PRKN: variants seen among roughly 807,000 people sequenced by gnomAD.
The protein encoded by PRKN is E3 ubiquitin-protein ligase parkin.
PRKN carries 56 observed loss-of-function variants against 59.5 expected under a neutral mutation model. The observed-to-expected ratio is 0.94, with a 90% CI of 0.76 to 1.18. The LOEUF is 1.18. Ranked by LOEUF, PRKN falls within the 50% of genes most tolerant of loss-of-function variation. PRKN has a pLI of 0.00. For missense variants in PRKN, 657 were observed against 596.4 expected, an observed-to-expected ratio of 1.10 and a Z score of -1.06; for synonymous variants, 250 against 222.1, an observed-to-expected ratio of 1.13 and a Z score of -1.12.
chr6:162,726,751 A>G (rs1779222399), intron 1 of PRKN, among the ~76,000 whole-genome samples: 1 of 152,238 alleles, frequency 6.6e-6, no homozygotes, highest in African/African-American at 2.4e-5. Context: ...CCTCCTCAGG[A>G]ATAAACAAGC....
intron 1 of PRKN, among the ~76,000 whole-genome samples, chr6:162,457,402 C>T (rs1790930846): frequency 6.6e-6 from 1 of 152,074 alleles, no homozygotes; most frequent in African/African-American, 2.4e-5. Flanking sequence ...GATGCAATTG[C>T]TGTATAATTT....
chr6:161,454,923 T>G lies in PRKN; in HGVS notation c.1084-68046A>C, dbSNP rs1284341131. Among the ~76,000 whole-genome samples, 1 of 152,192 alleles carries G rather than the reference T, an allele frequency of 6.6e-6. No individual in the cohort carries two copies. Among genetic ancestry groups the G allele is most frequent in the African/African-American group, 2.4e-5 (1 of 41,454 alleles). ...TTTTCTTCCCCAGCTATATTTTTCT[T>G]CATAACACTGGTTTCTCTAGACATT... On this transcript the variant is annotated intron_variant, in intron 9 of 11. Coordinates refer to ENST00000366898, the MANE Select transcript of PRKN (RefSeq NM_004562.3). The surrounding 1 kb of genome is among the most constrained non-coding windows in gnomAD (Gnocchi z 4.6).
intron 6 of PRKN, among the ~76,000 whole-genome samples, chr6:161,967,682 A>AAGGTCTATT (rs1461532797): frequency 6.6e-6 from 1 of 152,224 alleles, no homozygotes; most frequent in Non-Finnish European, 1.5e-5. Context: ...CTCCGTCATC[A>AAGGTCTATT]AGGTCTATTA....
chr6:161,805,697 G>A (rs1791289249), intron 6 of PRKN, among the ~76,000 whole-genome samples: 3 of 152,182 alleles, frequency 2.0e-5, no homozygotes, highest in Admixed American at 6.5e-5. Context: ...CAAGGATTCT[G>A]TTTTCTAGAA....
chr6:161,707,150 C>T (rs1315426755), intron 7 of PRKN, among the ~76,000 whole-genome samples: 1 of 151,994 alleles, frequency 6.6e-6, no homozygotes, highest in African/African-American at 2.4e-5. Flanking sequence ...AGCTAATTTC[C>T]AAGGGGATAT....
At chr6:161,786,215 C>T (rs1438408074) in intron 6 of PRKN, among the ~76,000 whole-genome samples, 2 of 152,094 alleles carry the variant, frequency 1.3e-5, no homozygotes, top group African/African-American at 4.8e-5. Flanking sequence ...ACTCAGAATT[C>T]CCAATTAACC....
In PRKN at chr6:161,874,973, T is replaced by TATTATA. The variant is rs61258288; in HGVS notation, c.735-89066_735-89065insTATAAT. Among the ~76,000 whole-genome samples, 824 of 102,692 alleles carry TATTATA rather than the reference T, an allele frequency of 8.0e-3. 71 individuals carry two copies. Among genetic ancestry groups the TATTATA allele is most frequent in the African/African-American group, 0.034 (768 of 22,322 alleles). The allele number at this position is 102,692 out of a possible 152,430, so 67.4% of individuals were successfully genotyped here. A position where few individuals can be genotyped will look rare whatever the true frequency, so the allele number is the denominator to read the frequency against. On this transcript the variant is annotated intron_variant, in intron 6 of 11. Coordinates refer to ENST00000366898, the MANE Select transcript of PRKN (RefSeq NM_004562.3). ...AGGTACTTTATATATAATATATAAT[T>TATTATA]TATTATATTATATACTTTATATATA...
chr6:161,711,203 A>G (rs1229720687), intron 7 of PRKN, among the ~76,000 whole-genome samples: 1 of 152,210 alleles, frequency 6.6e-6, no homozygotes, highest in Non-Finnish European at 1.5e-5. Context: ...GACAAAAGAC[A>G]TTACAGGTCT....
At chr6:162,673,937 G>T (rs2849538) in intron 1 of PRKN, among the ~76,000 whole-genome samples, 8 of 151,966 alleles carry the variant, frequency 5.3e-5, no homozygotes, top group Admixed American at 2.6e-4. Context: ...TAGCACTGTA[G>T]GACTCTGGAG....
intron 6 of PRKN, among the ~76,000 whole-genome samples, chr6:161,972,610 A>C (rs73026551): frequency 0.17 from 25,327 of 152,216 alleles, 2,177 homozygotes; most frequent in South Asian, 0.24. Context: ...ACTTGCTTTC[A>C]TTTTGAGTGC....
intron 1 of PRKN, among the ~76,000 whole-genome samples, chr6:162,490,055 T>C (rs1290688600): frequency 1.3e-5 from 2 of 152,126 alleles, no homozygotes; most frequent in Admixed American, 1.3e-4. Flanking sequence ...GTCCTTACCA[T>C]AGTGACAGTG....
chr6:162,440,414 C>T (rs1435591703), intron 2 of PRKN, among the ~76,000 whole-genome samples: 1 of 152,118 alleles, frequency 6.6e-6, no homozygotes, highest in Non-Finnish European at 1.5e-5. Context: ...TGAGGTGAGG[C>T]ACTAAAACTA....
chr6:162,592,117 G>A (rs1781334422), intron 1 of PRKN, among the ~76,000 whole-genome samples: 1 of 152,102 alleles, frequency 6.6e-6, no homozygotes, highest in East Asian at 1.9e-4. Flanking sequence ...CTCCTGCCTT[G>A]GCCTCCCGAA....
Position 162,021,119 on chromosome 6 carries a change from CATATATATATATATATATATATATATAT to C in PRKN, c.618+32944_618+32971del, listed in dbSNP as rs869269519. ...CTCTGTCTCAAAAAAAAAACAAAAA[CATATATATATATATATATATATATATAT>C]ATATATATATATATATATAAAATAT... On this transcript the variant is annotated intron_variant, in intron 5 of 11. Transcript: ENST00000366898. Among the ~76,000 whole-genome samples the C allele has an allele frequency of 4.5e-4, 21 of 46,570 alleles. 1 individual carries two copies. Among genetic ancestry groups the C allele is most frequent in the South Asian group, 1.8e-3 (2 of 1,106 alleles). 30.6% of individuals were successfully genotyped at this position (46,570 alleles called of 152,430 possible).
chr6:161,641,738 C>G (rs758317572), intron 7 of PRKN, among the ~76,000 whole-genome samples: 16 of 152,206 alleles, frequency 1.1e-4, no homozygotes, highest in Non-Finnish European at 2.1e-4. Flanking sequence ...GCATCATATT[C>G]AGAATACTTT....
chr6:162,353,257 T>G (rs1275873905), intron 2 of PRKN, among the ~76,000 whole-genome samples: 2 of 151,986 alleles, frequency 1.3e-5, no homozygotes. Context: ...CTAAGCTACC[T>G]AGGGTAAGAG....
chr6:162,497,603 A>G (rs1263384402), intron 1 of PRKN, among the ~76,000 whole-genome samples: 1 of 152,230 alleles, frequency 6.6e-6, no homozygotes, highest in East Asian at 1.9e-4. Context: ...CATTTTGTGC[A>G]GCAGAGGGAG....
intron 1 of PRKN, among the ~76,000 whole-genome samples, chr6:162,453,487 G>C (rs1790721698): frequency 1.3e-5 from 2 of 152,150 alleles, no homozygotes; most frequent in South Asian, 4.1e-4. Flanking sequence ...CTGTGGCTAA[G>C]ACCATGGATG....
chr6:161,805,370 G>A (rs941616822), intron 6 of PRKN, among the ~76,000 whole-genome samples: 4 of 151,984 alleles, frequency 2.6e-5, no homozygotes, highest in African/African-American at 7.3e-5. Context: ...ATCTGGAAGC[G>A]TTCTTCTGGA....
Sources: allele counts gnomAD v4.1 joint callset (sites outside exome capture counted in the v4.1 genomes callset), GRCh38; gene constraint gnomAD v4.1.1; non-coding constraint Gnocchi (gnomAD v3.1); transcripts MANE v1.5; gene names NCBI Gene and HGNC (gene_info 2026-07-23, HGNC 2026-07-21).